The following FAM107B variants were observed in gnomAD, a reference collection of about 807,000 sequenced individuals.
The protein encoded by FAM107B is protein FAM107B.
FAM107B carries 21 observed loss-of-function variants against 31.5 expected under a neutral mutation model. The observed-to-expected ratio is 0.67, with a 90% CI of 0.47 to 0.96. The LOEUF is 0.96. Ranked by LOEUF, FAM107B falls within the 40% of genes least tolerant of loss-of-function variation. FAM107B has a pLI of 0.00. For missense variants in FAM107B, 452 were observed against 377.1 expected, an observed-to-expected ratio of 1.20 and a Z score of -1.64; for synonymous variants, 157 against 141.5, an observed-to-expected ratio of 1.11 and a Z score of -0.78.
chr10:14,700,503 AC>A (rs1046728449), intron 1 of FAM107B, among the ~76,000 whole-genome samples: 12 of 152,078 alleles, frequency 7.9e-5, no homozygotes, highest in Admixed American at 7.2e-4. Context: ...GTCATTAGTG[AC>A]AATATCAGAA....
intron 2 of FAM107B, among the ~76,000 whole-genome samples, chr10:14,646,171 T>C (rs375416167): frequency 1.3e-5 from 2 of 152,344 alleles, no homozygotes; most frequent in East Asian, 1.9e-4. Flanking sequence ...GTATGCATCT[T>C]ACCCACTTAA....
At chr10:14,739,522 A>G (rs890144301) in intron 1 of FAM107B, among the ~76,000 whole-genome samples, 11 of 152,176 alleles carry the variant, frequency 7.2e-5, no homozygotes, top group Non-Finnish European at 5.9e-5. Flanking sequence ...CTCTCCATCC[A>G]TGGGATTTGG....
intron 1 of FAM107B, among the ~76,000 whole-genome samples, chr10:14,734,488 G>GTTTTTTTGTTTTTTTT (rs1856250480): frequency 1.4e-5 from 2 of 138,546 alleles, no homozygotes; most frequent in African/African-American, 5.4e-5. Flanking sequence ...TTTTTGTGAG[G>GTTTTTTTGTTTTTTTT]TTTTTTTTTT....
intron 1 of FAM107B, among the ~76,000 whole-genome samples, chr10:14,722,353 T>C (rs568864737): frequency 2.6e-4 from 40 of 152,358 alleles, no homozygotes; most frequent in African/African-American, 9.4e-4. Context: ...TGTTACCTAT[T>C]GTAGCCTACA....
chr10:14,578,146 C>G (rs1367220441), intron 2 of FAM107B, among the ~76,000 whole-genome samples: 1 of 152,120 alleles, frequency 6.6e-6, no homozygotes, highest in African/African-American at 2.4e-5. Flanking sequence ...ACTCCGCTTC[C>G]AAGCAGAATG....
At chr10:14,628,523 G>A (rs181706465) in intron 2 of FAM107B, among the ~76,000 whole-genome samples, 85 of 152,232 alleles carry the variant, frequency 5.6e-4, no homozygotes, top group Admixed American at 3.4e-3. Flanking sequence ...CAACTTCCTT[G>A]GGAAGTATTT....
At chr10:14,766,851 G>A (rs1833172418) in intron 1 of FAM107B, among the ~76,000 whole-genome samples, 1 of 150,088 alleles carries the variant, frequency 6.7e-6, no homozygotes, top group Non-Finnish European at 1.5e-5. Context: ...TGGATCATGT[G>A]GTTTCACTGG....
At chr10:14,631,297 A>G (rs190476001) in intron 2 of FAM107B, among the ~76,000 whole-genome samples, 13 of 152,272 alleles carry the variant, frequency 8.5e-5, no homozygotes. Flanking sequence ...AGCTGCCACC[A>G]TAACATCTCC....
intron 1 of FAM107B, among the ~76,000 whole-genome samples, chr10:14,751,196 G>C (rs996073225): frequency 6.6e-6 from 1 of 152,172 alleles, no homozygotes; most frequent in African/African-American, 2.4e-5. Context: ...CAGACACAAA[G>C]ACCCCACCCC....
chr10:14,683,130 G>A (rs1044259194), intron 1 of FAM107B, among the ~76,000 whole-genome samples: 10 of 152,272 alleles, frequency 6.6e-5, no homozygotes, highest in African/African-American at 2.4e-4. Flanking sequence ...CCATCCGCCT[G>A]GCTCGGAGCA....
chr10:14,675,530 T>C (rs1157144533), intron 1 of FAM107B, among the ~76,000 whole-genome samples: 3 of 152,180 alleles, frequency 2.0e-5, no homozygotes, highest in African/African-American at 7.2e-5. Context: ...GACCGATTAA[T>C]GGCCTCAACT....
intron 1 of FAM107B, among the ~76,000 whole-genome samples, chr10:14,694,083 AT>A (rs1564628171): frequency 6.6e-6 from 1 of 152,166 alleles, no homozygotes; most frequent in Non-Finnish European, 1.5e-5. Context: ...ATTCCGCTGT[AT>A]GTATATACCA....
intron 1 of FAM107B, among the ~76,000 whole-genome samples, chr10:14,677,277 A>G (rs541869886): frequency 4.1e-4 from 63 of 152,186 alleles, no homozygotes; most frequent in Non-Finnish European, 7.6e-4. Flanking sequence ...CGTGATATAA[A>G]GCACTACACT....
At chr10:14,706,900 G>A (rs989343553) in intron 1 of FAM107B, among the ~76,000 whole-genome samples, 3 of 152,166 alleles carry the variant, frequency 2.0e-5, no homozygotes, top group Non-Finnish European at 4.4e-5. Flanking sequence ...GCTGAGGCAG[G>A]CAGATCACGA....
At chr10:14,530,594 G>C in intron 2 of FAM107B, 79 bp from the exon 3 acceptor site, 3 of 1,363,866 alleles carry the variant, frequency 2.2e-6, no homozygotes, top group Non-Finnish European at 3.1e-6. Flanking sequence ...CCACAGAGCT[G>C]TGCTCAGTAT....
intron 2 of FAM107B, among the ~76,000 whole-genome samples, chr10:14,614,873 C>T (rs924859725): frequency 5.3e-5 from 8 of 151,878 alleles, no homozygotes; most frequent in South Asian, 2.1e-4. Context: ...AAGAATCACT[C>T]GGGGAGCAGC....
chr10:14,695,917 A>C (rs1017794298), intron 1 of FAM107B, among the ~76,000 whole-genome samples: 1 of 152,164 alleles, frequency 6.6e-6, no homozygotes, highest in Non-Finnish European at 1.5e-5. Context: ...GGCTCATATC[A>C]TGTGCAAATA....
At chr10:14,624,951 G>T (rs11259234) in intron 2 of FAM107B, among the ~76,000 whole-genome samples, 10,996 of 152,156 alleles carry the variant, frequency 0.072, 471 homozygotes, top group East Asian at 0.18. Flanking sequence ...GTGGCCGGGC[G>T]TGGTGGCTCA....
chr10:14,545,372 T>C (rs1037227783), intron 2 of FAM107B, among the ~76,000 whole-genome samples: 1 of 151,730 alleles, frequency 6.6e-6, no homozygotes, highest in Non-Finnish European at 1.5e-5. Context: ...AAGCTATTGA[T>C]CTGGGGGCTG....
Sources: allele counts gnomAD v4.1 joint callset (sites outside exome capture counted in the v4.1 genomes callset), GRCh38; gene constraint gnomAD v4.1.1; transcripts MANE v1.5; gene names NCBI Gene and HGNC (gene_info 2026-07-23, HGNC 2026-07-21).